The following C18orf54 variants were observed in gnomAD, a reference collection of about 807,000 sequenced individuals.
C18orf54 encodes chromosome 18 open reading frame 54.
C18orf54 carries 49 observed loss-of-function variants against 49.3 expected under a neutral mutation model. The observed-to-expected ratio is 0.99, with a 90% CI of 0.79 to 1.26. The LOEUF is 1.26. C18orf54 is among the 50% of genes most tolerant of loss of function. The pLI is 0.00. For missense variants in C18orf54, 687 were observed against 620.6 expected, an observed-to-expected ratio of 1.11 and a Z score of -1.14; for synonymous variants, 211 against 216.6, an observed-to-expected ratio of 0.97 and a Z score of 0.23.
At position 54,379,149 on chromosome 18, in the gene C18orf54, TAA is replaced by T. The variant is rs1015157233; in HGVS notation, c.*904_*905del. The T allele has an allele frequency of 1.3e-5, 2 of 152,096 alleles. No homozygotes were observed. Among genetic ancestry groups the T allele is most frequent in the African/African-American group, 4.8e-5 (2 of 41,464 alleles). The allele number at this position is 152,096 out of a possible 1,614,324, so 9.4% of individuals were successfully genotyped here. On this transcript the variant is annotated 3_prime_UTR_variant, in exon 9 of 9. Transcript: ENST00000620105. Reference sequence around the variant, plus strand: ...CTTTCTTTAACACCATCTGTAGTCTTAAGTTTGTCTCTAGCTAGAACTGAACA... The same window carrying T: ...CTTTCTTTAACACCATCTGTAGTCTTGTTTGTCTCTAGCTAGAACTGAACA...
intron 3 of C18orf54, 90 bp downstream of exon 3, chr18:54,360,945 T>A: frequency 7.7e-7 from 1 of 1,296,632 alleles, no homozygotes; most frequent in East Asian, 2.3e-5. Flanking sequence ...GACATTATTT[T>A]TGTTACTTTG....
chr18:54,363,326 TC>T (rs763891351), intron 5 of C18orf54, among the ~76,000 whole-genome samples: 1 of 152,184 alleles, frequency 6.6e-6, no homozygotes, highest in East Asian at 1.9e-4. Flanking sequence ...TCTTTTCTTT[TC>T]TTTTTTTTGA....
At chr18:54,364,860 C>G (rs1470466510) in intron 5 of C18orf54, among the ~76,000 whole-genome samples, 1 of 151,912 alleles carries the variant, frequency 6.6e-6, no homozygotes, top group Non-Finnish European at 1.5e-5. Flanking sequence ...GAAAAAACAT[C>G]AGCATTCTGT....
At chr18:54,362,986 A>T in intron 5 of C18orf54, 65 bp downstream of exon 5, 2 of 1,439,126 alleles carry the variant, frequency 1.4e-6, no homozygotes. Context: ...CGAATATCTG[A>T]TTTATATTTA....
intron 8 of C18orf54, among the ~76,000 whole-genome samples, chr18:54,375,461 A>G (rs922762854): frequency 1.3e-5 from 2 of 148,394 alleles, no homozygotes; most frequent in African/African-American, 2.5e-5. Context: ...TCAGTTGATC[A>G]TCTAGTATGA....
chr18:54,366,395 C>T (rs1008057128), intron 6 of C18orf54, among the ~76,000 whole-genome samples: 6 of 151,940 alleles, frequency 3.9e-5, no homozygotes, highest in Non-Finnish European at 7.4e-5. Context: ...TATCTTTCTG[C>T]TCCTAGCTTA....
At chr18:54,371,290 G>T (rs1389223562) in intron 6 of C18orf54, among the ~76,000 whole-genome samples, 1 of 152,082 alleles carries the variant, frequency 6.6e-6, no homozygotes, top group Non-Finnish European at 1.5e-5. Context: ...TGTCTTTAAG[G>T]ATCATCTATG....
At chr18:54,374,109 A>G in intron 7 of C18orf54, 105 bp from the exon 8 acceptor site, 2 of 973,122 alleles carry the variant, frequency 2.1e-6, no homozygotes, top group Non-Finnish European at 2.9e-6. Flanking sequence ...ATTGTTTGGA[A>G]ATGTAGAAAA....
chr18:54,360,917 T>C, intron 3 of C18orf54, 62 bp downstream of exon 3: 1 of 1,438,670 alleles, frequency 7.0e-7, no homozygotes. Context: ...GGAGATGTAC[T>C]GTAGTATTGT....
At chr18:54,364,992 C>T (rs527951691) in intron 5 of C18orf54, among the ~76,000 whole-genome samples, 2 of 152,028 alleles carry the variant, frequency 1.3e-5, no homozygotes, top group African/African-American at 2.4e-5. Context: ...ATTTGATTCT[C>T]GGAGCATTCT....
chr18:54,379,498 G>A lies in C18orf54; in HGVS notation c.*1252G>A, dbSNP rs2089630499. The A allele has an allele frequency of 7.0e-6, 1 of 142,664 alleles. No individual in the cohort carries two copies. The highest frequency in any genetic ancestry group is 2.1e-4 in the South Asian group (1 of 4,788). 8.8% of individuals were successfully genotyped at this position (142,664 alleles called of 1,614,324 possible). ...TCAAACACTACAGTGAGCTCTGTGG[G>A]GTTTTTTTTTTTTTTTTTTGCCCGT... On this transcript the variant is annotated 3_prime_UTR_variant, in exon 9 of 9. Transcript: ENST00000620105.
chr18:54,359,749 A>G (rs2089224668), intron 2 of C18orf54, among the ~76,000 whole-genome samples: 1 of 152,202 alleles, frequency 6.6e-6, no homozygotes, highest in East Asian at 1.9e-4. Flanking sequence ...TCAAATATAC[A>G]TCCTGTTACT....
At chr18:54,378,072 T>A in intron 8 of C18orf54, 102 bp from the exon 9 acceptor site, 1 of 703,492 alleles carries the variant, frequency 1.4e-6, no homozygotes, top group Non-Finnish European at 2.2e-6. Flanking sequence ...CTCATACCAA[T>A]TTTGAAGTTA....
intron 7 of C18orf54, 127 bp from the exon 8 acceptor site, chr18:54,374,087 T>C (rs2144750952): frequency 2.3e-6 from 2 of 884,902 alleles, no homozygotes; most frequent in South Asian, 2.2e-5. Context: ...TTTAATACTC[T>C]TGAAAATTAG....
In C18orf54 at chr18:54,362,400, T is replaced by G; in HGVS notation, c.1041T>G (p.Leu347=). ...GCCAGTGTCAATGTGAGAATCCACT[T>G]CTCCCAGGACAATCCACAAAGCCAT... The part of the protein sequence containing the change: ...EHSQCQCENP[L]LPGQSTKPFS... The change falls in exon 4 of 9, where the codon CTT becomes CTG. Residue 347 remains leucine (L), a synonymous_variant. Coordinates refer to ENST00000620105, the MANE Select transcript of C18orf54 (RefSeq NM_001288980.2). The G allele has an allele frequency of 6.5e-7, 1 of 1,531,402 alleles. No homozygotes were observed. Among genetic ancestry groups the G allele is most frequent in the East Asian group, 2.4e-5 (1 of 40,838 alleles). 94.9% of individuals were successfully genotyped at this position (1,531,402 alleles called of 1,614,324 possible).
chr18:54,359,779 T>G lies in C18orf54; in HGVS notation c.-46-748T>G, dbSNP rs78316062. On this transcript the variant is annotated intron_variant, in intron 2 of 8. Coordinates refer to ENST00000620105, the MANE Select transcript of C18orf54 (RefSeq NM_001288980.2). ...GTTACTGTACTGAGGTAGACAGGGA[T>G]TCTCTCAATTTTAATAATGGAAAAA... Among the ~76,000 whole-genome samples the G allele has an allele frequency of 1.6e-4, 24 of 152,308 alleles. No individual in the cohort carries two copies. In the East Asian group the frequency reaches 4.4e-3, roughly 28 times the overall value.
intron 8 of C18orf54, among the ~76,000 whole-genome samples, chr18:54,376,057 A>C (rs148515769): frequency 1.5e-4 from 23 of 152,374 alleles, no homozygotes; most frequent in African/African-American, 4.3e-4. Context: ...TTCAAAATTT[A>C]CAAAATATTT....
chr18:54,371,294 ATC>A (rs1384501768), intron 6 of C18orf54, among the ~76,000 whole-genome samples: 1 of 152,196 alleles, frequency 6.6e-6, no homozygotes, highest in Non-Finnish European at 1.5e-5. Context: ...TTTAAGGATC[ATC>A]TATGTTGTAG....
chr18:54,360,878 C>G (rs1403484750), intron 3 of C18orf54, 23 bp downstream of exon 3: 1 of 1,590,004 alleles, frequency 6.3e-7, no homozygotes, highest in African/African-American at 1.3e-5. Flanking sequence ...TCTTTGTTTT[C>G]TTTGTGTTCA....
Sources: gnomAD v4.1 joint callset for allele counts (sites outside exome capture counted in the v4.1 genomes callset) on GRCh38, gnomAD v4.1.1 for gene constraint, MANE v1.5 for transcripts, NCBI Gene and HGNC (gene_info 2026-07-23, HGNC 2026-07-21) for gene names.